CHCHD6: variants seen among roughly 807,000 people sequenced by gnomAD.
CHCHD6 encodes MICOS complex subunit MIC25.
A neutral mutation model predicts 32.3 loss-of-function variants in CHCHD6; 28 were observed. The ratio of observed to expected loss-of-function variants is 0.87; its 90% CI spans 0.64 to 1.19. The LOEUF is 1.19. Ranked by LOEUF, CHCHD6 falls within the 50% of genes most tolerant of loss-of-function variation. The pLI, the probability that CHCHD6 is intolerant of heterozygous loss-of-function variation, is 0.00. For missense variants in CHCHD6, 333 were observed against 307.0 expected (o/e 1.08, Z -0.63); for synonymous variants, 122 against 117.5 (o/e 1.04, Z -0.25).
intron 4 of CHCHD6, among the ~76,000 whole-genome samples, chr3:126,760,071 C>T (rs1258120717): frequency 6.6e-6 from 1 of 152,166 alleles, no homozygotes; most frequent in Non-Finnish European, 1.5e-5. Flanking sequence ...GAGGACAGCA[C>T]CAAGCCATGA....
Position 126,960,210 on chromosome 3 carries a change from C to T in CHCHD6, c.*9C>T, listed in dbSNP as rs1179766891. ...TCTCTTTGTAGGGCTGAGGAGCAGA[C>T]ATCATTCCCTGCCCTGGCAGTGACT... On this transcript the variant is annotated 3_prime_UTR_variant, in exon 8 of 8. Transcript: ENST00000290913. The T allele has an allele frequency of 1.3e-6, 2 of 1,551,432 alleles. No homozygotes were observed. Among genetic ancestry groups the T allele is most frequent in the Non-Finnish European group, 8.7e-7 (1 of 1,146,854 alleles).
intron 6 of CHCHD6, among the ~76,000 whole-genome samples, chr3:126,942,688 C>T (rs973525439): frequency 2.0e-5 from 3 of 152,152 alleles, no homozygotes; most frequent in African/African-American, 4.8e-5. Context: ...TGGAGTCAGC[C>T]GTTTCTCCCA....
chr3:126,725,627 T>C (rs1011112576), intron 1 of CHCHD6, among the ~76,000 whole-genome samples: 24 of 152,268 alleles, frequency 1.6e-4, no homozygotes, highest in African/African-American at 5.8e-4. Flanking sequence ...CCTCTAGCTA[T>C]GAAAGTCTTA....
chr3:126,892,448 G>A (rs971668768), intron 5 of CHCHD6, among the ~76,000 whole-genome samples: 3 of 152,124 alleles, frequency 2.0e-5, no homozygotes, highest in Admixed American at 1.3e-4. Flanking sequence ...CTCTCCTGCC[G>A]CAGGGTGCTC....
At chr3:126,842,143 A>G (rs1941112239) in intron 4 of CHCHD6, among the ~76,000 whole-genome samples, 1 of 151,540 alleles carries the variant, frequency 6.6e-6, no homozygotes, top group African/African-American at 2.4e-5. Context: ...AGTACCAGCT[A>G]CTCCGGAGGC....
chr3:126,794,796 T>C (rs1446702842), intron 4 of CHCHD6, among the ~76,000 whole-genome samples: 1 of 152,192 alleles, frequency 6.6e-6, no homozygotes, highest in Non-Finnish European at 1.5e-5. Flanking sequence ...TGTGTTCACC[T>C]CTGATGTCCC....
chr3:126,892,147 C>G (rs561762754), intron 5 of CHCHD6, among the ~76,000 whole-genome samples: 1 of 152,320 alleles, frequency 6.6e-6, no homozygotes, highest in Admixed American at 6.5e-5. Context: ...CCTACTACAG[C>G]TCGTCCTCCT....
At chr3:126,935,303 C>CT (rs1480210369) in intron 6 of CHCHD6, 2 of 273,646 alleles carry the variant, frequency 7.3e-6, no homozygotes, top group African/African-American at 4.6e-5. Flanking sequence ...TAAGGCTGGC[C>CT]TCATCTGTAT....
chr3:126,917,975 A>G (rs536178917), intron 6 of CHCHD6, among the ~76,000 whole-genome samples: 4 of 152,370 alleles, frequency 2.6e-5, no homozygotes, highest in South Asian at 4.1e-4. Flanking sequence ...ATAGTACTCT[A>G]TTATAGCAGC....
At chr3:126,877,815 T>C (rs940352444) in intron 5 of CHCHD6, among the ~76,000 whole-genome samples, 1 of 152,224 alleles carries the variant, frequency 6.6e-6, no homozygotes, top group Non-Finnish European at 1.5e-5. Flanking sequence ...GACATTACCA[T>C]TGGCGGAAGG....
chr3:126,873,313 T>TC (rs2077500997), intron 5 of CHCHD6, among the ~76,000 whole-genome samples: 2 of 152,190 alleles, frequency 1.3e-5, no homozygotes, highest in Non-Finnish European at 2.9e-5. Context: ...TGTCTTTTTT[T>TC]CCCCCTCTTT....
At chr3:126,832,679 C>T (rs1940691885) in intron 4 of CHCHD6, among the ~76,000 whole-genome samples, 1 of 152,178 alleles carries the variant, frequency 6.6e-6, no homozygotes, top group South Asian at 2.1e-4. Flanking sequence ...TTGCTGCCAT[C>T]TTCATGTGTC....
At chr3:126,860,243 T>A (rs917151298) in intron 5 of CHCHD6, among the ~76,000 whole-genome samples, 1 of 152,144 alleles carries the variant, frequency 6.6e-6, no homozygotes, top group African/African-American at 2.4e-5. Context: ...GCAGGAAAGC[T>A]TCCCTTGGGG....
chr3:126,812,353 G>A (rs937441290), intron 4 of CHCHD6, among the ~76,000 whole-genome samples: 4 of 135,876 alleles, frequency 2.9e-5, no homozygotes, highest in African/African-American at 1.1e-4. Context: ...TCAATCTCAT[G>A]TTAAAAATTT....
rs527322048 is a variant in CHCHD6 at position 126,859,786 on chromosome 3, G to A, written c.495+7056G>A. On this transcript the variant is annotated intron_variant, in intron 5 of 7. Coordinates refer to ENST00000290913, the MANE Select transcript of CHCHD6 (RefSeq NM_032343.3). ...CACGTGCTGCCTCCCACCGCCTCCCGCATCAGTGAGTGGAGAAGAGTCCAG... is the reference window on the plus strand; with the variant it reads ...CACGTGCTGCCTCCCACCGCCTCCCACATCAGTGAGTGGAGAAGAGTCCAG... 5.3e-5 allele frequency among the ~76,000 whole-genome samples: 8 copies of A among 152,296 alleles called. No individual in the cohort carries two copies. The South Asian group carries it at 6.2e-4, about 12-fold the overall frequency.
intron 4 of CHCHD6, among the ~76,000 whole-genome samples, chr3:126,831,536 A>G (rs935444354): frequency 6.6e-6 from 1 of 152,196 alleles, no homozygotes; most frequent in Admixed American, 6.5e-5. Flanking sequence ...TGTACACAGC[A>G]GGGCTCAGCA....
intron 4 of CHCHD6, among the ~76,000 whole-genome samples, chr3:126,763,541 A>G (rs1343249765): frequency 2.6e-5 from 4 of 152,116 alleles, no homozygotes; most frequent in Non-Finnish European, 5.9e-5. Flanking sequence ...GGGTCTTGTT[A>G]TGTTGTCCAG....
At position 126,873,328 on chromosome 3, in the gene CHCHD6, C is replaced by T. The variant is rs1000960817; in HGVS notation, c.495+20598C>T. Among the ~76,000 whole-genome samples, 6 of 152,228 alleles carry T rather than the reference C, an allele frequency of 3.9e-5. No homozygotes were observed. The East Asian group carries it at 7.7e-4, about 20-fold the overall frequency. Reference sequence around the variant, plus strand: ...TGTCTTTTTTTCCCCCTCTTTCTCCCGAAGCTCTCTCTCCCAGCCTTGCTT... The same window carrying T: ...TGTCTTTTTTTCCCCCTCTTTCTCCTGAAGCTCTCTCTCCCAGCCTTGCTT... On this transcript the variant is annotated intron_variant, in intron 5 of 7. Transcript: ENST00000290913.
chr3:126,846,615 C>T (rs1312216028), intron 4 of CHCHD6, among the ~76,000 whole-genome samples: 2 of 152,236 alleles, frequency 1.3e-5, no homozygotes, highest in Admixed American at 6.5e-5. Context: ...ACTGATTTCT[C>T]ATCATGAACA....
Sources: gnomAD v4.1 joint callset for allele counts (sites outside exome capture counted in the v4.1 genomes callset) on GRCh38, gnomAD v4.1.1 for gene constraint, MANE v1.5 for transcripts, NCBI Gene and HGNC (gene_info 2026-07-23, HGNC 2026-07-21) for gene names.